KHDRBS2: variants seen among roughly 807,000 people sequenced by gnomAD.
KHDRBS2 encodes KH RNA binding domain containing, signal transduction associated 2.
In KHDRBS2, 26 loss-of-function variants were observed where a neutral mutation model predicts 44.3. The ratio of observed to expected loss-of-function variants is 0.59; its 90% CI spans 0.43 to 0.81. The LOEUF is 0.81. KHDRBS2 is among the 40% of genes least tolerant of loss of function. The probability of loss-of-function intolerance (pLI) is 0.00; values close to 1 mark genes in which losing one functional copy is unlikely to be tolerated. For missense variants in KHDRBS2, 476 were observed against 433.1 expected, an observed-to-expected ratio of 1.10 and a Z score of -0.88; for synonymous variants, 194 against 151.1, an observed-to-expected ratio of 1.28 and a Z score of -2.08.
At chr6:61,752,927 T>C (rs770753383) in intron 6 of KHDRBS2, among the ~76,000 whole-genome samples, 1 of 152,070 alleles carries the variant, frequency 6.6e-6, no homozygotes, top group Non-Finnish European at 1.5e-5. Flanking sequence ...AGAGGATATG[T>C]TCTGGATTAA....
chr6:62,010,576 C>G (rs756940490), intron 3 of KHDRBS2, among the ~76,000 whole-genome samples: 1 of 152,056 alleles, frequency 6.6e-6, no homozygotes, highest in African/African-American at 2.4e-5. Flanking sequence ...CCCATAATTG[C>G]GATGTGTTGT....
chr6:62,000,177 T>C (rs1207602389), intron 3 of KHDRBS2, among the ~76,000 whole-genome samples: 2 of 152,092 alleles, frequency 1.3e-5, no homozygotes, highest in African/African-American at 4.8e-5. Context: ...GATCATGACA[T>C]AAAACATGCT....
intron 4 of KHDRBS2, among the ~76,000 whole-genome samples, chr6:61,925,375 T>C (rs1044468231): frequency 6.6e-6 from 1 of 152,168 alleles, no homozygotes; most frequent in African/African-American, 2.4e-5. Flanking sequence ...GTCCACTGGA[T>C]CTCTCACAGT....
At chr6:61,551,911 T>C in the KHDRBS2 span, among the ~76,000 whole-genome samples, 1 of 152,102 alleles carries the variant, frequency 6.6e-6, no homozygotes, top group Non-Finnish European at 1.5e-5. Context: ...AATGTCATTA[T>C]ATATCCCATG....
intron 1 of KHDRBS2, among the ~76,000 whole-genome samples, chr6:62,212,688 T>C (rs1353221562): frequency 1.3e-5 from 2 of 152,144 alleles, no homozygotes; most frequent in East Asian, 3.9e-4. Context: ...TACTTGAGAT[T>C]ACCAAAAGCT....
At chr6:62,084,977 C>A (rs1360224223) in intron 2 of KHDRBS2, among the ~76,000 whole-genome samples, 2 of 152,056 alleles carry the variant, frequency 1.3e-5, no homozygotes, top group South Asian at 4.1e-4. Flanking sequence ...TCTAACAAAA[C>A]ACTTAAATGT....
intron 6 of KHDRBS2, among the ~76,000 whole-genome samples, chr6:61,786,054 C>A (rs1783756304): frequency 6.6e-6 from 1 of 152,076 alleles, no homozygotes; most frequent in African/African-American, 2.4e-5. Flanking sequence ...CATACACACA[C>A]ACACACATAG....
At chr6:61,757,060 T>C (rs1438565872) in intron 6 of KHDRBS2, among the ~76,000 whole-genome samples, 1 of 152,232 alleles carries the variant, frequency 6.6e-6, no homozygotes, top group Non-Finnish European at 1.5e-5. Flanking sequence ...CTATTTTATA[T>C]TGCTCAGTAG....
intron 6 of KHDRBS2, among the ~76,000 whole-genome samples, chr6:61,881,730 C>T (rs1420885221): frequency 1.3e-5 from 2 of 152,040 alleles, no homozygotes; most frequent in Admixed American, 6.6e-5. Context: ...TGCTGAATTT[C>T]TACAATTCAC....
chr6:62,038,622 CTTGAG>C (rs1044244167), intron 3 of KHDRBS2, among the ~76,000 whole-genome samples: 34 of 152,174 alleles, frequency 2.2e-4, no homozygotes, highest in Admixed American at 9.2e-4. Flanking sequence ...TGATGACGCA[CTTGAG>C]TTAAGTGCAG....
chr6:61,729,776 T>G (rs1262316275), intron 7 of KHDRBS2, among the ~76,000 whole-genome samples: 2 of 152,162 alleles, frequency 1.3e-5, no homozygotes, highest in Non-Finnish European at 2.9e-5. Flanking sequence ...TTTTTGCCCA[T>G]TTTTAAAAGG....
At chr6:61,713,063 A>T (rs1203720467) in intron 7 of KHDRBS2, among the ~76,000 whole-genome samples, 2 of 151,500 alleles carry the variant, frequency 1.3e-5, no homozygotes, top group Admixed American at 1.3e-4. Context: ...TATTAAATAC[A>T]ATAATATTAA....
At chr6:61,549,996 A>G in the KHDRBS2 span, among the ~76,000 whole-genome samples, 30 of 152,206 alleles carry the variant, frequency 2.0e-4, no homozygotes, top group African/African-American at 7.0e-4. Context: ...ATGTAAAAAG[A>G]CATGAATATT....
At chr6:61,577,004 G>A in the KHDRBS2 span, among the ~76,000 whole-genome samples, 3 of 152,088 alleles carry the variant, frequency 2.0e-5, no homozygotes, top group Non-Finnish European at 4.4e-5. Context: ...TTTTTCAGAT[G>A]GGAGGATAAG....
the KHDRBS2 span, among the ~76,000 whole-genome samples, chr6:61,653,594 C>A: frequency 7.1e-6 from 1 of 141,244 alleles, no homozygotes; most frequent in Non-Finnish European, 1.5e-5. Flanking sequence ...AACTTCAAGT[C>A]TAATGTGAAA....
intron 4 of KHDRBS2, among the ~76,000 whole-genome samples, chr6:61,908,090 A>G (rs911751433): frequency 1.3e-5 from 2 of 152,160 alleles, no homozygotes; most frequent in African/African-American, 2.4e-5. Flanking sequence ...TAACATAGAT[A>G]TTCATTAAAA....
intron 8 of KHDRBS2, among the ~76,000 whole-genome samples, chr6:61,696,503 C>T (rs1025572772): frequency 2.0e-5 from 3 of 151,800 alleles, no homozygotes; most frequent in East Asian, 3.9e-4. Flanking sequence ...GTGATCCGCC[C>T]GCCTCAGCCT....
At chr6:62,214,087 C>G (rs1432927397) in intron 1 of KHDRBS2, among the ~76,000 whole-genome samples, 1 of 151,982 alleles carries the variant, frequency 6.6e-6, no homozygotes. Flanking sequence ...CTATCTCTTG[C>G]AGGTCTCTCT....
At chr6:61,894,521 G>A (rs375186816) in intron 6 of KHDRBS2, 114 bp downstream of exon 6, 170 of 811,878 alleles carry the variant, frequency 2.1e-4, no homozygotes, top group African/African-American at 2.0e-3. Flanking sequence ...AATGACATTC[G>A]TTTCTGCAAC....
Sources: gnomAD v4.1 joint callset for allele counts (sites outside exome capture counted in the v4.1 genomes callset) on GRCh38, gnomAD v4.1.1 for gene constraint, MANE v1.5 for transcripts, NCBI Gene and HGNC (gene_info 2026-07-23, HGNC 2026-07-21) for gene names.